MYOF: variants seen among roughly 807,000 people sequenced by gnomAD.
MYOF encodes the protein myoferlin.
In MYOF, 244 loss-of-function variants were observed where a neutral mutation model predicts 284.2. The observed-to-expected ratio is 0.86, with a 90% CI of 0.77 to 0.95. The LOEUF is 0.95. Ranked by LOEUF, MYOF falls within the 40% of genes least tolerant of loss-of-function variation. The pLI is 0.00. For synonymous variants in MYOF, 904 were observed against 919.7 expected (o/e 0.98, Z 0.31); for missense variants, 2,496 against 2,560.6 (o/e 0.97, Z 0.54).
At chr10:93,438,259 T>C (rs1297550303) in intron 3 of MYOF, among the ~76,000 whole-genome samples, 1 of 152,084 alleles carries the variant, frequency 6.6e-6, no homozygotes, top group East Asian at 1.9e-4. Flanking sequence ...TGGCACCCCA[T>C]CTCTCTTCCT....
In MYOF at chr10:93,352,190, C is replaced by T. The variant is rs192785354; in HGVS notation, c.3482-344G>A. ...ACCTGGGGTCAACACCCACACTTCA[C>T]CCCTGCTGCATAACTTTGAGGGAAA... On this transcript the variant is annotated intron_variant, in intron 32 of 53. Transcript: ENST00000359263. Among the ~76,000 whole-genome samples the T allele has an allele frequency of 4.6e-4, 70 of 152,314 alleles. No homozygotes were observed. In the East Asian group the frequency reaches 0.011, roughly 24 times the overall value.
At chr10:93,438,079 G>A (rs2134245503) in intron 3 of MYOF, among the ~76,000 whole-genome samples, 1 of 152,208 alleles carries the variant, frequency 6.6e-6, no homozygotes, top group South Asian at 2.1e-4. Context: ...ATCTGATCGG[G>A]TTTCTCATTC....
intron 3 of MYOF, among the ~76,000 whole-genome samples, chr10:93,440,204 G>A (rs2056201349): frequency 6.6e-6 from 1 of 152,144 alleles, no homozygotes. Flanking sequence ...ACGAGGTCAA[G>A]AGATCAAGAC....
At chr10:93,381,661 C>T (rs1204118507) in intron 19 of MYOF, among the ~76,000 whole-genome samples, 1 of 152,038 alleles carries the variant, frequency 6.6e-6, no homozygotes, top group African/African-American at 2.4e-5. Flanking sequence ...ACTTGTTAAA[C>T]AAGTTATGTT....
Position 93,313,041 on chromosome 10 carries a change from T to C in MYOF, c.5868A>G (p.Lys1956=), listed in dbSNP as rs201029088. The C allele has an allele frequency of 9.9e-6, 16 of 1,611,570 alleles. No individual in the cohort carries two copies. The highest frequency in any genetic ancestry group is 6.8e-6 in the Non-Finnish European group (8 of 1,179,148). The change falls in exon 51 of 54, where the codon AAA becomes AAG. Residue 1956 remains lysine (K), a synonymous_variant. Coordinates refer to ENST00000359263, the MANE Select transcript of MYOF (RefSeq NM_013451.4). Reference sequence around the variant, plus strand: ...ATACAGCCATTACGCGGGCGCCATCTTTCTCTGCGTAGCATGGCCACCATC... The same window carrying C: ...ATACAGCCATTACGCGGGCGCCATCCTTCTCTGCGTAGCATGGCCACCATC... ...MKGWWPCYAE[K]DGARVMAGKV... is the part of the protein sequence containing the mutation.
rs1160021844 is a variant in MYOF at position 93,400,859 on chromosome 10, T to G, written c.1117+559A>C. 1.8e-3 allele frequency among the ~76,000 whole-genome samples: 264 copies of G among 143,394 alleles called. 4 individuals carry two copies. Among genetic ancestry groups the G allele is most frequent in the East Asian group, 8.6e-3 (42 of 4,910 alleles). The allele number at this position is 143,394 out of a possible 152,430, so 94.1% of individuals were successfully genotyped here. A position where few individuals can be genotyped will look rare whatever the true frequency, so the allele number is the denominator to read the frequency against. On this transcript the variant is annotated intron_variant, in intron 12 of 53. Coordinates refer to ENST00000359263, the MANE Select transcript of MYOF (RefSeq NM_013451.4). ...ACTACCCTTTGCTCAGCATGTTTTT[T>G]TTTTTTTTTTTTTTTTTGAGATGGA...
chr10:93,436,628 G>A (rs1589567239), intron 3 of MYOF, among the ~76,000 whole-genome samples: 2 of 152,174 alleles, frequency 1.3e-5, no homozygotes, highest in Non-Finnish European at 2.9e-5. Context: ...AAGAAAATAC[G>A]CCCCATGGAT....
At chr10:93,315,634 C>A (rs1842583117) in intron 50 of MYOF, among the ~76,000 whole-genome samples, 1 of 152,140 alleles carries the variant, frequency 6.6e-6, no homozygotes, top group Non-Finnish European at 1.5e-5. Flanking sequence ...GAATGACCCT[C>A]ACAACGATTT....
chr10:93,408,198 C>T (rs1032992589), intron 7 of MYOF, among the ~76,000 whole-genome samples: 1 of 152,088 alleles, frequency 6.6e-6, no homozygotes, highest in Non-Finnish European at 1.5e-5. Flanking sequence ...CATCATTTAG[C>T]TTTTAGATAT....
chr10:93,401,571 T>C (rs1357652818), intron 11 of MYOF, 27 bp from the exon 12 acceptor site: 3 of 1,609,318 alleles, frequency 1.9e-6, no homozygotes, highest in South Asian at 2.2e-5. Context: ...ATTTAAATTA[T>C]ACATACAGAA....
chr10:93,376,359 T>C (rs918820077), intron 22 of MYOF, among the ~76,000 whole-genome samples: 1 of 152,162 alleles, frequency 6.6e-6, no homozygotes, highest in Non-Finnish European at 1.5e-5. Context: ...GTGAAATACA[T>C]GGCAGGAAGA....
In MYOF at chr10:93,323,397, T is replaced by C. The variant is rs376996698; in HGVS notation, c.5272-39A>G. ...AAATGAAAAGAGGACTGAAGTTATATGATGGGTAGCAGAAGTCACAATTTT... is the reference window on the plus strand; with the variant it reads ...AAATGAAAAGAGGACTGAAGTTATACGATGGGTAGCAGAAGTCACAATTTT... On this transcript the variant is annotated intron_variant, in intron 46 of 53. Coordinates refer to ENST00000359263, the MANE Select transcript of MYOF (RefSeq NM_013451.4). 6 of 1,529,594 alleles carry C rather than the reference T, an allele frequency of 3.9e-6. No homozygotes were observed. The African/African-American group carries it at 4.1e-5, about 11-fold the overall frequency. The allele number at this position is 1,529,594 out of a possible 1,614,324, so 94.8% of individuals were successfully genotyped here.
At chr10:93,446,193 G>T (rs61867762) in intron 3 of MYOF, among the ~76,000 whole-genome samples, 27,188 of 142,036 alleles carry the variant, frequency 0.19, 2,894 homozygotes, top group Middle Eastern at 0.27. Context: ...CAGAGCTGAC[G>T]CAGGGTCGGC....
chr10:93,431,879 G>A (rs1848891142), intron 3 of MYOF, among the ~76,000 whole-genome samples: 1 of 151,434 alleles, frequency 6.6e-6, no homozygotes, highest in African/African-American at 2.4e-5. Flanking sequence ...CCAAATAGCT[G>A]GGATTATAGG....
chr10:93,461,091 T>A (rs1376611898), intron 1 of MYOF, among the ~76,000 whole-genome samples: 5 of 35,702 alleles, frequency 1.4e-4, no homozygotes, highest in African/African-American at 2.0e-4. Flanking sequence ...CAAAACTCCA[T>A]CTAAGAAAAG....
chr10:93,472,620 C>T (rs1055286334), intron 1 of MYOF, among the ~76,000 whole-genome samples: 2 of 152,110 alleles, frequency 1.3e-5, no homozygotes, highest in African/African-American at 4.8e-5. Flanking sequence ...GCTTGGGTGA[C>T]AGAGCAACAC....
chr10:93,397,422 G>A lies in MYOF; in HGVS notation c.1256C>T (p.Pro419Leu). The A allele has an allele frequency of 6.2e-7, 1 of 1,610,938 alleles. No individual in the cohort carries two copies. Among genetic ancestry groups the A allele is most frequent in the South Asian group, 1.1e-5 (1 of 90,078 alleles). Residue 419 changes from proline to leucine, a missense_variant, in exon 14 of 54, where the codon CCA becomes CTA. Physicochemically the swap from Pro to Leu is moderately conservative, Grantham distance 98. Around this residue, in one of 3 missense-constraint regions of MYOF, gnomAD observed 2,436 missense variants for 2,480.7 expected, o/e 0.98. Transcript: ENST00000359263. ...AAGATTGACGACCTGATTCCACTCT[G>A]GGTTTGCATTTTTCTCAATTATGTT... is the stretch of plus-strand genomic sequence containing the variant. Reference protein sequence around the residue: ...CTNIIEKNANPEWNQVVNLQI... With the variant: ...CTNIIEKNANLEWNQVVNLQI...
chr10:93,317,465 C>T (rs150863757), intron 49 of MYOF, among the ~76,000 whole-genome samples: 6,640 of 151,810 alleles, frequency 0.044, 213 homozygotes, highest in Non-Finnish European at 0.066. Flanking sequence ...GGTGAAACCC[C>T]GTCTCTACTA....
rs556279662 is a variant in MYOF at position 93,379,486 on chromosome 10, A to C, written c.2001+377T>G. On this transcript the variant is annotated intron_variant, in intron 21 of 53. Coordinates refer to ENST00000359263, the MANE Select transcript of MYOF (RefSeq NM_013451.4). ...TGTATGACTGGATTCTGGCCAGTGG[A>C]AAGTGAGTAGAAATTAAGAGTATGA... Among the ~76,000 whole-genome samples the C allele has an allele frequency of 2.6e-5, 4 of 152,268 alleles. No homozygotes were observed. The East Asian group carries it at 7.7e-4, about 29-fold the overall frequency.
Sources: gnomAD v4.1 joint callset for allele counts (sites outside exome capture counted in the v4.1 genomes callset) on GRCh38, gnomAD v4.1.1 for gene constraint, gnomAD v4.1.1 regional missense constraint, MANE v1.5 for transcripts, NCBI Gene and HGNC (gene_info 2026-07-23, HGNC 2026-07-21) for gene names.